The following TSNARE1 variants were observed in gnomAD, a reference collection of about 807,000 sequenced individuals.
TSNARE1 encodes t-SNARE domain containing 1, also known as t-SNARE domain-containing protein 1.
Under a neutral mutation model 62.0 loss-of-function variants are expected in TSNARE1, and 49 were observed. That is an observed-to-expected ratio of 0.79 (90% CI 0.63 to 1.00). The LOEUF is 1.00. Ranked by LOEUF, TSNARE1 falls within the 50% of genes least tolerant of loss-of-function variation. The pLI, the probability that TSNARE1 is intolerant of heterozygous loss-of-function variation, is 0.00. For missense variants in TSNARE1, 755 were observed against 700.1 expected, an observed-to-expected ratio of 1.08 and a Z score of -0.88; for synonymous variants, 328 against 294.4, an observed-to-expected ratio of 1.11 and a Z score of -1.17.
In TSNARE1 at chr8:142,393,012, C is replaced by T. The variant is rs78176791; in HGVS notation, c.-40+10092G>A. On this transcript the variant is annotated intron_variant, in intron 1 of 13. Transcript: ENST00000524325. ...GCTGCTGTGGAGATGACGGCTGGGCCGGCCAGGGATAGGGATACTTTCTAC... is the reference window on the plus strand; with the variant it reads ...GCTGCTGTGGAGATGACGGCTGGGCTGGCCAGGGATAGGGATACTTTCTAC... Among the ~76,000 whole-genome samples the T allele has an allele frequency of 7.4e-3, 1,122 of 151,832 alleles. 17 individuals are homozygous for T. The highest frequency in any genetic ancestry group is 0.026 in the African/African-American group (1,080 of 41,374).
chr8:142,290,183 C>G (rs1017016299), intron 10 of TSNARE1, among the ~76,000 whole-genome samples: 2 of 152,018 alleles, frequency 1.3e-5, no homozygotes, highest in African/African-American at 4.8e-5. Flanking sequence ...AGTCCTGGGG[C>G]GACAGAGAGG....
At chr8:142,267,744 A>G (rs887703040) in intron 12 of TSNARE1, among the ~76,000 whole-genome samples, 3 of 152,120 alleles carry the variant, frequency 2.0e-5, no homozygotes, top group Non-Finnish European at 4.4e-5. Context: ...CCTATTTCTC[A>G]TCACAGACCC....
At chr8:142,318,724 C>A in intron 6 of TSNARE1, 90 bp from the exon 7 acceptor site, 1 of 1,226,980 alleles carries the variant, frequency 8.2e-7, no homozygotes, top group Non-Finnish European at 1.2e-6. Context: ...CAGGGACGCA[C>A]GGGCCGAGTG....
intron 6 of TSNARE1, among the ~76,000 whole-genome samples, chr8:142,318,951 G>C (rs895042471): frequency 6.7e-6 from 1 of 148,554 alleles, no homozygotes; most frequent in Non-Finnish European, 1.5e-5. Flanking sequence ...GGAGAGACAG[G>C]CAGACACCCA....
chr8:142,223,235 TTCATCCAC>T, intron 13 of TSNARE1, among the ~76,000 whole-genome samples: 1 of 145,216 alleles, frequency 6.9e-6, no homozygotes, highest in Admixed American at 6.9e-5. Context: ...CACTCACTCA[TTCATCCAC>T]TCACTCACTC....
rs58755110 is a variant in TSNARE1, at chr8:142,311,290, G to GTTTTTTTTTTTTTTTTTTTTTTTTTTT, written c.1131+3093_1131+3094insAAAAAAAAAAAAAAAAAAAAAAAAAAA. 9.2e-4 allele frequency among the ~76,000 whole-genome samples: 53 copies of GTTTTTTTTTTTTTTTTTTTTTTTTTTT among 57,350 alleles called. 5 individuals carry two copies. Among genetic ancestry groups the GTTTTTTTTTTTTTTTTTTTTTTTTTTT allele is most frequent in the East Asian group, 5.6e-3 (9 of 1,616 alleles). 37.6% of individuals were successfully genotyped at this position (57,350 alleles called of 152,430 possible). On this transcript the variant is annotated intron_variant, in intron 9 of 13. Coordinates refer to ENST00000524325, the MANE Select transcript of TSNARE1 (RefSeq NM_145003.5). ...CGATTCTCCTGCCTCAGCCTCTCTA[G>GTTTTTTTTTTTTTTTTTTTTTTTTTTT]TTTTTTTTTTTTTTTTTTTTTTTTG...
intron 12 of TSNARE1, among the ~76,000 whole-genome samples, chr8:142,238,111 C>G (rs1586818501): frequency 6.6e-6 from 1 of 152,036 alleles, no homozygotes; most frequent in South Asian, 2.1e-4. Context: ...GCGTTACCCG[C>G]CCCCCCTCCA....
intron 13 of TSNARE1, among the ~76,000 whole-genome samples, chr8:142,215,476 G>A (rs1315626916): frequency 2.0e-5 from 3 of 152,094 alleles, no homozygotes; most frequent in African/African-American, 7.2e-5. Context: ...TGTCCCCCAA[G>A]ATTGGGAACT....
chr8:142,297,396 A>T (rs893796250), intron 10 of TSNARE1, among the ~76,000 whole-genome samples: 1 of 152,218 alleles, frequency 6.6e-6, no homozygotes, highest in Admixed American at 6.5e-5. Context: ...CCTGGGCCTC[A>T]GCTGGCCCGT....
chr8:142,308,555 T>A lies in TSNARE1; in HGVS notation c.1131+5829A>T, dbSNP rs533298717. Among the ~76,000 whole-genome samples, 13 of 152,264 alleles carry A rather than the reference T, an allele frequency of 8.5e-5. No individual in the cohort carries two copies. In the South Asian group the frequency reaches 1.4e-3, roughly 17 times the overall value. ...TCCAGTCTCCACCCTGTCCCATGCG[T>A]TGGTGTGTCCATAGGCTGGTGTGTC... On this transcript the variant is annotated intron_variant, in intron 9 of 13. Transcript: ENST00000524325.
chr8:142,254,966 C>T (rs1232604090), intron 12 of TSNARE1, among the ~76,000 whole-genome samples: 1 of 152,174 alleles, frequency 6.6e-6, no homozygotes, highest in Non-Finnish European at 1.5e-5. Context: ...TGAGCCCAGC[C>T]TTGTGCTGAC....
At position 142,342,310 on chromosome 8, in the gene TSNARE1, T is replaced by C. The variant is rs1257574100; in HGVS notation, c.745+1656A>G. Reference sequence around the variant, plus strand: ...CTCAGCGCCCGTGACCAGAGATGCCTACTTAGGTCTGCCCCGTCCAGGTGG... The same window carrying C: ...CTCAGCGCCCGTGACCAGAGATGCCCACTTAGGTCTGCCCCGTCCAGGTGG... On this transcript the variant is annotated intron_variant, in intron 4 of 13. Coordinates refer to ENST00000524325, the MANE Select transcript of TSNARE1 (RefSeq NM_145003.5). 3.3e-5 allele frequency among the ~76,000 whole-genome samples: 5 copies of C among 152,354 alleles called. No homozygotes were observed. The South Asian group carries it at 1.0e-3, about 32-fold the overall frequency.
chr8:142,364,599 T>C (rs1020427569), intron 1 of TSNARE1, among the ~76,000 whole-genome samples: 2 of 152,170 alleles, frequency 1.3e-5, no homozygotes, highest in Non-Finnish European at 2.9e-5. Flanking sequence ...GAGAAATGGC[T>C]GATTCCAGGA....
Position 142,270,360 on chromosome 8 carries a change from A to C in TSNARE1, c.1446+4421T>G, listed in dbSNP as rs187360904. The C allele has an allele frequency of 3.4e-4, 339 of 985,440 alleles. No homozygotes were observed. In the African/African-American group the frequency reaches 5.2e-3, roughly 15 times the overall value. The allele number at this position is 985,440 out of a possible 1,614,324, so 61.0% of individuals were successfully genotyped here. Reference sequence around the variant, plus strand: ...GCAGGCTCCAACTCACGTGCTCGTCAGCAGCCGCACTGCTGCCTGCTTTGT... The same window carrying C: ...GCAGGCTCCAACTCACGTGCTCGTCCGCAGCCGCACTGCTGCCTGCTTTGT... On this transcript the variant is annotated intron_variant, in intron 12 of 13. Coordinates refer to ENST00000524325, the MANE Select transcript of TSNARE1 (RefSeq NM_145003.5).
rs1836488426 is a variant in TSNARE1 at position 142,378,291 on chromosome 8, CT to C, written c.-39-23529del. ...AGCAGCCAGGCCAAAGAGAGTCATG[CT>C]GTGTGATACCATTTACAGAAAATTC... On this transcript the variant is annotated intron_variant, in intron 1 of 13. Transcript: ENST00000524325. Among the ~76,000 whole-genome samples, 12 of 152,336 alleles carry C rather than the reference CT, an allele frequency of 7.9e-5. No individual in the cohort carries two copies. The South Asian group carries it at 2.5e-3, about 32-fold the overall frequency.
intron 10 of TSNARE1, among the ~76,000 whole-genome samples, chr8:142,285,476 G>C (rs1159864376): frequency 8.7e-5 from 13 of 149,806 alleles, no homozygotes; most frequent in Non-Finnish European, 1.5e-5. Context: ...TGGGTGCATG[G>C]GTGGGTAGAT....
At chr8:142,294,523 C>T (rs1380648071) in intron 10 of TSNARE1, among the ~76,000 whole-genome samples, 3 of 152,182 alleles carry the variant, frequency 2.0e-5, no homozygotes, top group Admixed American at 1.3e-4. Flanking sequence ...CGGCAGCTGG[C>T]GGCCCTGCTG....
At chr8:142,315,961 C>T (rs368059924) in intron 7 of TSNARE1, among the ~76,000 whole-genome samples, 1 of 152,214 alleles carries the variant, frequency 6.6e-6, no homozygotes, top group Non-Finnish European at 1.5e-5. Flanking sequence ...CCCACCAAGC[C>T]GCGTGAAGGA....
chr8:142,388,690 T>C (rs1349202339), intron 1 of TSNARE1, among the ~76,000 whole-genome samples: 1 of 151,640 alleles, frequency 6.6e-6, no homozygotes, highest in African/African-American at 2.4e-5. Flanking sequence ...CCTGAGTAGC[T>C]GGGATTACAG....
Sources: gnomAD v4.1 joint callset for allele counts (sites outside exome capture counted in the v4.1 genomes callset) on GRCh38, gnomAD v4.1.1 for gene constraint, MANE v1.5 for transcripts, NCBI Gene and HGNC (gene_info 2026-07-23, HGNC 2026-07-21) for gene names.